TSEN54: variants seen among roughly 807,000 people sequenced by gnomAD.
TSEN54 encodes the protein tRNA-splicing endonuclease subunit Sen54.
TSEN54 carries 55 observed loss-of-function variants against 61.9 expected under a neutral mutation model. The ratio of observed to expected loss-of-function variants is 0.89; its 90% CI spans 0.72 to 1.11. TSEN54 has a LOEUF of 1.11. Ranked by LOEUF, TSEN54 falls within the 50% of genes most tolerant of loss-of-function variation. The pLI, the probability that TSEN54 is intolerant of heterozygous loss-of-function variation, is 0.00. For synonymous variants in TSEN54, 304 were observed against 288.7 expected (o/e 1.05, Z -0.54); for missense variants, 760 against 687.7 (o/e 1.11, Z -1.18).
chr17:75,516,563 G>GGAGCCC lies in TSEN54; in HGVS notation c.17_22dup (p.Glu6_Pro7dup), dbSNP rs904918193. 8.0e-6 allele frequency: 9 copies of GGAGCCC among 1,124,736 alleles called. No homozygotes were observed. The highest frequency in any genetic ancestry group is 5.5e-5 in the African/African-American group (3 of 54,390). 69.7% of individuals were successfully genotyped at this position (1,124,736 alleles called of 1,614,324 possible). A position where few individuals can be genotyped will look rare whatever the true frequency, so the allele number is the denominator to read the frequency against. On this transcript the variant is annotated inframe_insertion, in exon 1 of 11. Coordinates refer to ENST00000333213, the MANE Select transcript of TSEN54 (RefSeq NM_207346.3). ...GCGCAGCGGCAGGCGGCGGCGGGAT[G>GGAGCCC]GAGCCCGAGCCCGAGCCCGCGGCCG...
At chr17:75,517,707 G>A in intron 5 of TSEN54, 52 bp downstream of exon 5, 1 of 1,450,522 alleles carries the variant, frequency 6.9e-7, no homozygotes, top group Admixed American at 1.7e-5. Context: ...GAATCAATGA[G>A]TATTGACAAG....
Position 75,521,394 on chromosome 17 carries a change from G to C in TSEN54, c.522-15G>C, listed in dbSNP as rs769155254. 5.2e-5 allele frequency: 84 copies of C among 1,612,796 alleles called. No homozygotes were observed. Among genetic ancestry groups the C allele is most frequent in the Admixed American group, 4.0e-4 (24 of 60,002 alleles). ...GAGGTGGGTCAGTGGCCCACCCGCT[G>C]TTCTCACCCCACAGCTCTGTCCTGT... is the stretch of plus-strand genomic sequence containing the variant. On this transcript the variant is annotated splice_polypyrimidine_tract_variant and intron_variant, in intron 6 of 10. Transcript: ENST00000333213.
At chr17:75,521,571 C>T in intron 7 of TSEN54, 61 bp downstream of exon 7, 1 of 1,586,110 alleles carries the variant, frequency 6.3e-7, no homozygotes, top group Non-Finnish European at 8.7e-7. Flanking sequence ...TTGGAAAATG[C>T]ACAGGCTTTC....
chr17:75,522,557 G>C, intron 8 of TSEN54: 1 of 1,424,554 alleles, frequency 7.0e-7, no homozygotes, highest in South Asian at 1.5e-5. Flanking sequence ...TGGAAACTAT[G>C]ACCATATCCT....
rs753094398 is a variant in TSEN54, at chr17:75,523,732, C to G, written c.1383C>G (p.Phe461Leu). The change falls in exon 10 of 11, where the codon TTC (phenylalanine) becomes TTG (leucine). Residue 461 changes from phenylalanine to leucine, a missense_variant. This residue lies in a region of TSEN54 where 83 missense variants were observed against 82.9 expected (regional missense o/e 1.00). Transcript: ENST00000333213. Reference protein sequence around the residue: ...DVYQADAVATFRKNNPGKPYA... With the variant: ...DVYQADAVATLRKNNPGKPYA... ...ACCAGGCCGACGCTGTGGCCACATT[C>G]CGAAAGAATAACCCTGGCAAACCCT... The G allele has an allele frequency of 6.2e-7, 1 of 1,614,010 alleles. No individual in the cohort carries two copies. The highest frequency in any genetic ancestry group is 1.1e-5 in the South Asian group (1 of 91,084).
intron 8 of TSEN54, chr17:75,522,674 G>C (rs2053441433): frequency 3.2e-6 from 1 of 316,472 alleles, no homozygotes. Flanking sequence ...TGAAAGAAAG[G>C]CTTGCTGTCT....
At chr17:75,523,465 G>T in intron 9 of TSEN54, 130 bp downstream of exon 9, 1 of 1,599,702 alleles carries the variant, frequency 6.3e-7, no homozygotes, top group South Asian at 1.1e-5. Context: ...GCCTAGCTCT[G>T]AGCAATAACT....
chr17:75,519,150 G>A, intron 6 of TSEN54, 103 bp downstream of exon 6: 1 of 1,372,198 alleles, frequency 7.3e-7, no homozygotes, highest in Non-Finnish European at 1.0e-6. Context: ...CCCTTGGCTG[G>A]AGTGCAGTTC....
chr17:75,523,450 C>T, intron 9 of TSEN54, 115 bp downstream of exon 9: 1 of 1,604,616 alleles, frequency 6.2e-7, no homozygotes, highest in Non-Finnish European at 8.5e-7. Flanking sequence ...GACTCCTACC[C>T]CTACGCCTAG....
intron 6 of TSEN54, 86 bp downstream of exon 6, chr17:75,519,133 C>G (rs913498961): frequency 6.7e-7 from 1 of 1,485,144 alleles, no homozygotes; most frequent in Non-Finnish European, 9.4e-7. Flanking sequence ...CCTCTCCTTA[C>G]CTGGAACCCT....
At chr17:75,517,099 ACCGCCCTCC>A (rs747858558) in intron 3 of TSEN54, 27 bp downstream of exon 3, 4 of 1,573,984 alleles carry the variant, frequency 2.5e-6, no homozygotes, top group Non-Finnish European at 3.4e-6. Context: ...GGGACCGGGG[ACCGCCCTCC>A]CTGCCCTCCC....
intron 6 of TSEN54, among the ~76,000 whole-genome samples, chr17:75,519,447 TC>T (rs2053405770): frequency 6.6e-6 from 1 of 152,376 alleles, no homozygotes; most frequent in East Asian, 1.9e-4. Flanking sequence ...AAATGTTTTT[TC>T]CTTCATCACC....
chr17:75,521,195 G>A (rs2053423515), intron 6 of TSEN54, among the ~76,000 whole-genome samples: 1 of 152,270 alleles, frequency 6.6e-6, no homozygotes, highest in Non-Finnish European at 1.5e-5. Flanking sequence ...AAGTTTGCTA[G>A]CTCCTCTGGG....
chr17:75,518,046 C>T (rs1173662389), intron 5 of TSEN54, among the ~76,000 whole-genome samples: 4 of 152,174 alleles, frequency 2.6e-5, no homozygotes, highest in South Asian at 2.1e-4. Flanking sequence ...CCAGGATTAC[C>T]GCCCATGATT....
At chr17:75,518,481 C>T (rs2053396239) in intron 5 of TSEN54, 2 of 975,926 alleles carry the variant, frequency 2.0e-6, no homozygotes, top group Admixed American at 1.2e-4. Context: ...AAGTGGTTAG[C>T]TGTGCTAAAG....
intron 10 of TSEN54, 146 bp from the exon 11 acceptor site, chr17:75,524,116 T>C: frequency 2.5e-6 from 3 of 1,207,904 alleles, no homozygotes; most frequent in Non-Finnish European, 3.6e-6. Flanking sequence ...TGGGGCGCTC[T>C]TCATCAGAGC....
At chr17:75,523,449 C>T (rs1051560564) in intron 9 of TSEN54, 114 bp downstream of exon 9, 1 of 1,605,322 alleles carries the variant, frequency 6.2e-7, no homozygotes, top group Non-Finnish European at 8.5e-7. Flanking sequence ...GGACTCCTAC[C>T]CCTACGCCTA....
At position 75,524,591 on chromosome 17, in the gene TSEN54, G is replaced by A. The variant is rs898954257; in HGVS notation, c.*179G>A. On this transcript the variant is annotated 3_prime_UTR_variant, in exon 11 of 11. Coordinates refer to ENST00000333213, the MANE Select transcript of TSEN54 (RefSeq NM_207346.3). ...GAAACTGTGACCCTCTCCCTTCCCT[G>A]CTGCCTTGCAGTGACCCCTCTGGAA... 2.4e-6 allele frequency: 2 copies of A among 816,926 alleles called. No individual in the cohort carries two copies. Among genetic ancestry groups the A allele is most frequent in the African/African-American group, 1.7e-5 (1 of 59,334 alleles). The allele number at this position is 816,926 out of a possible 1,614,324, so 50.6% of individuals were successfully genotyped here. A position where few individuals can be genotyped will look rare whatever the true frequency, so the allele number is the denominator to read the frequency against.
rs2053486562 is a variant in TSEN54 at position 75,524,732 on chromosome 17, T to C, written c.*320T>C. ...CCAAAGCCATTAAAAATAGATTTCT[T>C]TTCTGCTGTTTCTGTATGTACTGGG... is the stretch of plus-strand genomic sequence containing the variant. On this transcript the variant is annotated 3_prime_UTR_variant, in exon 11 of 11. Coordinates refer to ENST00000333213, the MANE Select transcript of TSEN54 (RefSeq NM_207346.3). 2 of 415,734 alleles carry C rather than the reference T, an allele frequency of 4.8e-6. No homozygotes were observed. The highest frequency in any genetic ancestry group is 4.1e-5 in the African/African-American group (2 of 48,934). The allele number at this position is 415,734 out of a possible 1,614,324, so 25.8% of individuals were successfully genotyped here. A position where few individuals can be genotyped will look rare whatever the true frequency, so the allele number is the denominator to read the frequency against.
Sources: gnomAD v4.1 joint callset for allele counts (sites outside exome capture counted in the v4.1 genomes callset) on GRCh38, gnomAD v4.1.1 for gene constraint, gnomAD v4.1.1 regional missense constraint, MANE v1.5 for transcripts, NCBI Gene and HGNC (gene_info 2026-07-23, HGNC 2026-07-21) for gene names.